The following ZFYVE26 variants were observed in gnomAD, a reference collection of about 807,000 sequenced individuals.
The protein encoded by ZFYVE26 is zinc finger FYVE-type containing 26.
In ZFYVE26, 181 loss-of-function variants were observed where a neutral mutation model predicts 276.5. The ratio of observed to expected loss-of-function variants is 0.65; its 90% CI spans 0.58 to 0.74. The LOEUF is 0.74. Among genes scored for constraint, ZFYVE26 ranks in the 30% least tolerant of loss-of-function variants. ZFYVE26 has a pLI of 0.00. For synonymous variants in ZFYVE26, 1,129 were observed against 1,203.1 expected, an observed-to-expected ratio of 0.94 and a Z score of 1.27; for missense variants, 2,821 against 3,097.9, an observed-to-expected ratio of 0.91 and a Z score of 2.12.
intron 1 of ZFYVE26, among the ~76,000 whole-genome samples, 189 bp downstream of exon 1, chr14:67,816,345 C>G (rs2040409876): frequency 6.6e-6 from 1 of 152,004 alleles, no homozygotes; most frequent in Non-Finnish European, 1.5e-5. Context: ...CCCAGGTGGT[C>G]GCCTCCTCAA....
At chr14:67,811,402 C>T (rs1410070216) in intron 3 of ZFYVE26, among the ~76,000 whole-genome samples, 1 of 151,940 alleles carries the variant, frequency 6.6e-6, no homozygotes, top group Non-Finnish European at 1.5e-5. Flanking sequence ...CCGAGAGGAG[C>T]AAAAATTTAA....
chr14:67,794,057 C>T (rs2039890862), intron 13 of ZFYVE26, 114 bp downstream of exon 13: 3 of 1,230,974 alleles, frequency 2.4e-6, no homozygotes, highest in East Asian at 2.3e-5. Context: ...TGGCCATCTG[C>T]CAACCTTGAA....
chr14:67,773,154 G>A (rs1287128340), intron 27 of ZFYVE26, among the ~76,000 whole-genome samples: 1 of 151,986 alleles, frequency 6.6e-6, no homozygotes, highest in Non-Finnish European at 1.5e-5. Context: ...TGTGATAATG[G>A]TATTATGGCT....
At chr14:67,802,380 C>T in intron 9 of ZFYVE26, 98 bp from the exon 10 acceptor site, 1 of 1,230,994 alleles carries the variant, frequency 8.1e-7, no homozygotes, top group Non-Finnish European at 1.2e-6. Context: ...CTTAGAGGTC[C>T]ACTTGTAGGT....
At chr14:67,741,625 T>G (rs2038415912), downstream of ZFYVE26, among the ~76,000 whole-genome samples, 1 of 152,190 alleles carries the variant, frequency 6.6e-6, no homozygotes, top group Admixed American at 6.5e-5. Context: ...TTCTGCCTTA[T>G]AAAGTATTTG....
intron 3 of ZFYVE26, among the ~76,000 whole-genome samples, chr14:67,809,634 C>A (rs1344131932): frequency 6.6e-6 from 1 of 151,866 alleles, no homozygotes; most frequent in Non-Finnish European, 1.5e-5. Context: ...TTTGGCCAAG[C>A]TGGTCTGGAA....
In ZFYVE26 at chr14:67,747,402, C is replaced by G. The variant is rs973411487; in HGVS notation, c.*1034G>C. The G allele has an allele frequency of 1.3e-5, 2 of 152,152 alleles. No individual in the cohort carries two copies. Among genetic ancestry groups the G allele is most frequent in the African/African-American group, 2.4e-5 (1 of 41,412 alleles). The allele number at this position is 152,152 out of a possible 1,614,324, so 9.4% of individuals were successfully genotyped here. ...CCAATGACCCCACATGTCTGCATATCCATCCTGTGGTCCTGAAGAGACTGA... is the reference window on the plus strand; with the variant it reads ...CCAATGACCCCACATGTCTGCATATGCATCCTGTGGTCCTGAAGAGACTGA... On this transcript the variant is annotated 3_prime_UTR_variant, in exon 42 of 42. Coordinates refer to ENST00000347230, the MANE Select transcript of ZFYVE26 (RefSeq NM_015346.4).
chr14:67,758,764 T>C (rs1442283573), intron 35 of ZFYVE26, among the ~76,000 whole-genome samples: 1 of 151,998 alleles, frequency 6.6e-6, no homozygotes, highest in Non-Finnish European at 1.5e-5. Context: ...GCCTCCCGAG[T>C]AGCTGGGATT....
At chr14:67,793,864 T>C (rs2039885642) in intron 13 of ZFYVE26, 105 bp from the exon 14 acceptor site, 2 of 1,485,664 alleles carry the variant, frequency 1.3e-6, no homozygotes, top group African/African-American at 2.8e-5. Flanking sequence ...AATGTCCTTC[T>C]GTAAAAGGCC....
At chr14:67,806,942 T>C (rs1163346232) in intron 5 of ZFYVE26, among the ~76,000 whole-genome samples, 1 of 152,182 alleles carries the variant, frequency 6.6e-6, no homozygotes. Context: ...ATTTATTTAT[T>C]TATTTTGAGA....
downstream of ZFYVE26, among the ~76,000 whole-genome samples, chr14:67,745,742 T>C (rs887322826): frequency 6.6e-6 from 1 of 151,752 alleles, no homozygotes; most frequent in African/African-American, 2.4e-5. Flanking sequence ...TTTAGAGGGC[T>C]GGGGCACAGG....
intron 10 of ZFYVE26, among the ~76,000 whole-genome samples, chr14:67,801,511 G>C (rs764106937): frequency 1.3e-5 from 2 of 152,160 alleles, no homozygotes; most frequent in Non-Finnish European, 2.9e-5. Flanking sequence ...CTATTCCAAA[G>C]CTAGGAGAGA....
chr14:67,780,086 C>T (rs2039455913), intron 23 of ZFYVE26, among the ~76,000 whole-genome samples, 155 bp downstream of exon 23: 2 of 152,036 alleles, frequency 1.3e-5, no homozygotes, highest in Non-Finnish European at 2.9e-5. Flanking sequence ...GTCTCGATCT[C>T]CTGACCTTGT....
At position 67,729,294 on chromosome 14, in the gene ZFYVE26, T is replaced by C. The variant is rs1468221103; in HGVS notation, n.3205A>G. ...TGCTCTGGCGGCTCTTCTCCCCCTT[T>C]GTCAAGACGGCACGGGAGGGGGCGC... On this transcript the variant is annotated non_coding_transcript_exon_variant, in exon 14 of 15. Transcript: ENST00000394455. 1 of 1,603,612 alleles carries C rather than the reference T, an allele frequency of 6.2e-7. No individual in the cohort carries two copies.
At chr14:67,753,636 G>C in intron 39 of ZFYVE26, 71 bp downstream of exon 39, 1 of 1,501,680 alleles carries the variant, frequency 6.7e-7, no homozygotes, top group South Asian at 1.2e-5. Context: ...ATTTCCTAAA[G>C]AATAATCTCT....
chr14:67,802,912 G>C (rs75046273), intron 9 of ZFYVE26, among the ~76,000 whole-genome samples: 3,482 of 152,274 alleles, frequency 0.023, 57 homozygotes, highest in East Asian at 0.052. Context: ...CTCAAAGTAA[G>C]TGTCTCTGTC....
chr14:67,745,061 C>T (rs964880062), downstream of ZFYVE26, among the ~76,000 whole-genome samples: 1 of 152,186 alleles, frequency 6.6e-6, no homozygotes, highest in African/African-American at 2.4e-5. Context: ...TTCTCCACAG[C>T]CTCGCCAGCA....
intron 6 of ZFYVE26, among the ~76,000 whole-genome samples, chr14:67,806,287 C>G (rs1322665245): frequency 6.6e-6 from 1 of 152,204 alleles, no homozygotes; most frequent in Admixed American, 6.5e-5. Context: ...TTTCTTGCAT[C>G]CTCCAGAAAG....
At position 67,783,366 on chromosome 14, in the gene ZFYVE26, A is replaced by G. The variant is rs2039559797; in HGVS notation, c.3786T>C (p.Ser1262=). 6.2e-7 allele frequency: 1 copy of G among 1,613,682 alleles called. No homozygotes were observed. Among genetic ancestry groups the G allele is most frequent in the Non-Finnish European group, 8.5e-7 (1 of 1,179,606 alleles). The change falls in exon 21 of 42, where the codon TCT becomes TCC. Residue 1262 remains serine (S), a synonymous_variant. Coordinates refer to ENST00000347230, the MANE Select transcript of ZFYVE26 (RefSeq NM_015346.4). ...AAAGTGGGAGGTCATCCAGGCAGTG[A>G]GAGGCGTGTAGCTGGGCCAGAGTAC... ...RLGTLAQLHA[S]HCLDDLPLST...
Sources: gnomAD v4.1 joint callset for allele counts (sites outside exome capture counted in the v4.1 genomes callset) on GRCh38, gnomAD v4.1.1 for gene constraint, MANE v1.5 for transcripts, NCBI Gene and HGNC (gene_info 2026-07-23, HGNC 2026-07-21) for gene names.